The following KCNK2 variants were observed in gnomAD, a reference collection of about 807,000 sequenced individuals.
KCNK2 encodes the protein potassium two pore domain channel subfamily K member 2.
KCNK2 carries 21 observed loss-of-function variants against 40.5 expected under a neutral mutation model. That is an observed-to-expected ratio of 0.52 (90% CI 0.37 to 0.75). The LOEUF is 0.75. Among genes scored for constraint, KCNK2 ranks in the 30% least tolerant of loss-of-function variants. The pLI is 0.00. For missense variants in KCNK2, 399 were observed against 531.6 expected, an observed-to-expected ratio of 0.75 and a Z score of 2.45; for synonymous variants, 191 against 202.2, an observed-to-expected ratio of 0.94 and a Z score of 0.47.
intron 5 of KCNK2, among the ~76,000 whole-genome samples, chr1:215,191,814 T>G (rs1350057556): frequency 6.6e-6 from 1 of 151,996 alleles, no homozygotes; most frequent in African/African-American, 2.4e-5. Flanking sequence ...AGCAGTGGAG[T>G]GAATATTTCT....
chr1:215,065,217 G>A (rs1421447616), intron 1 of KCNK2, among the ~76,000 whole-genome samples: 1 of 152,154 alleles, frequency 6.6e-6, no homozygotes, highest in African/African-American at 2.4e-5. Flanking sequence ...CTAATTTGTA[G>A]AAGCCCTGAG....
At chr1:215,029,163 G>T (rs1657097216) in intron 1 of KCNK2, among the ~76,000 whole-genome samples, 1 of 151,782 alleles carries the variant, frequency 6.6e-6, no homozygotes, top group Non-Finnish European at 1.5e-5. Flanking sequence ...ATTTAATTTA[G>T]GGTTCACTTT....
intron 1 of KCNK2, among the ~76,000 whole-genome samples, chr1:215,069,164 G>A (rs996215208): frequency 7.9e-5 from 12 of 152,144 alleles, no homozygotes; most frequent in South Asian, 2.1e-4. Context: ...GGATAGATGC[G>A]TAGACACCCA....
chr1:215,150,688 G>A (rs12138417), intron 3 of KCNK2, among the ~76,000 whole-genome samples: 14,238 of 151,692 alleles, frequency 0.094, 720 homozygotes, highest in Middle Eastern at 0.16. Flanking sequence ...TAATGATGTT[G>A]TTTTCCATAT....
intron 2 of KCNK2, among the ~76,000 whole-genome samples, chr1:215,122,659 T>C (rs1558101163): frequency 1.3e-5 from 2 of 152,034 alleles, no homozygotes; most frequent in Non-Finnish European, 2.9e-5. Context: ...TTGTAAATTG[T>C]TGGGGGGCAG....
intron 1 of KCNK2, among the ~76,000 whole-genome samples, chr1:215,073,843 A>T (rs983832315): frequency 6.6e-6 from 1 of 152,168 alleles, no homozygotes; most frequent in African/African-American, 2.4e-5. Flanking sequence ...ACTTAATATT[A>T]TGATTCCTGT....
chr1:215,149,446 T>C (rs1662587521), intron 3 of KCNK2, among the ~76,000 whole-genome samples: 1 of 152,174 alleles, frequency 6.6e-6, no homozygotes, highest in Non-Finnish European at 1.5e-5. Context: ...ATAGGGATGC[T>C]GGAGAAGAGA....
chr1:215,033,796 T>C (rs1657288530), intron 1 of KCNK2, among the ~76,000 whole-genome samples: 1 of 152,316 alleles, frequency 6.6e-6, no homozygotes, highest in African/African-American at 2.4e-5. Context: ...AGATCTTCCC[T>C]AGTAAGAATA....
intron 3 of KCNK2, among the ~76,000 whole-genome samples, chr1:215,162,383 T>A (rs536794304): frequency 4.1e-4 from 62 of 152,338 alleles, no homozygotes; most frequent in Non-Finnish European, 6.9e-4. Flanking sequence ...CTGTTCACTC[T>A]GATGGTAGTT....
At chr1:215,013,472 G>T (rs1389437251) in intron 1 of KCNK2, among the ~76,000 whole-genome samples, 1 of 152,060 alleles carries the variant, frequency 6.6e-6, no homozygotes. Flanking sequence ...TTTATGTCGG[G>T]ATTTTAATTG....
rs1404722388 is a variant in KCNK2, at chr1:215,007,173, GTATGTGTGTGGGTA to G, written c.34+1222_34+1235del. Among the ~76,000 whole-genome samples the G allele has an allele frequency of 6.3e-3, 482 of 76,818 alleles. 23 individuals are homozygous for G. The highest frequency in any genetic ancestry group is 0.024 in the African/African-American group (456 of 19,020). 50.4% of individuals were successfully genotyped at this position (76,818 alleles called of 152,430 possible). A position where few individuals can be genotyped will look rare whatever the true frequency, so the allele number is the denominator to read the frequency against. ...TATATATATGTATGTATATATATAT[GTATGTGTGTGGGTA>G]TATATATATATATATATATATATAT... On this transcript the variant is annotated intron_variant, in intron 1 of 6. Coordinates refer to the KCNK2 transcript ENST00000391895.
At chr1:215,115,982 A>G (rs1164740560) in intron 2 of KCNK2, among the ~76,000 whole-genome samples, 10 of 142,384 alleles carry the variant, frequency 7.0e-5, no homozygotes, top group East Asian at 6.1e-4. Context: ...TCTATACACC[A>G]CTGTGCTCAT....
At chr1:215,230,028 T>G (rs1308302539) in intron 6 of KCNK2, among the ~76,000 whole-genome samples, 1 of 148,030 alleles carries the variant, frequency 6.8e-6, no homozygotes, top group Non-Finnish European at 1.5e-5. Flanking sequence ...TATATATATA[T>G]ATACATATAT....
chr1:215,209,191 A>AAT (rs1226992239), intron 6 of KCNK2, among the ~76,000 whole-genome samples: 11 of 138,026 alleles, frequency 8.0e-5, no homozygotes, highest in African/African-American at 1.3e-4. Context: ...TCTAGTTATA[A>AAT]ATATATATAT....
chr1:215,055,857 C>T (rs1225792823), intron 1 of KCNK2, among the ~76,000 whole-genome samples: 3 of 152,168 alleles, frequency 2.0e-5, no homozygotes, highest in African/African-American at 4.8e-5. Context: ...TGGCATTGTC[C>T]TTGATGGATT....
At chr1:215,023,358 C>G (rs780140419) in intron 1 of KCNK2, among the ~76,000 whole-genome samples, 13 of 152,166 alleles carry the variant, frequency 8.5e-5, no homozygotes, top group Non-Finnish European at 1.8e-4. Flanking sequence ...GCCATATAAT[C>G]CAGCTGTGCA....
intron 6 of KCNK2, among the ~76,000 whole-genome samples, chr1:215,206,169 C>CAT (rs901910973): frequency 1.3e-5 from 2 of 152,086 alleles, no homozygotes; most frequent in African/African-American, 4.8e-5. Context: ...TCTATATACT[C>CAT]ATATAAGATT....
intron 3 of KCNK2, among the ~76,000 whole-genome samples, chr1:215,148,384 T>G (rs949970586): frequency 1.3e-5 from 2 of 151,966 alleles, no homozygotes; most frequent in African/African-American, 4.8e-5. Flanking sequence ...CATTAATTAT[T>G]TTTAAGGGTG....
chr1:215,126,567 T>C (rs1249784426), intron 3 of KCNK2, among the ~76,000 whole-genome samples: 1 of 152,224 alleles, frequency 6.6e-6, no homozygotes, highest in African/African-American at 2.4e-5. Flanking sequence ...TAACTCATCA[T>C]GACCACCACT....
Sources: allele counts gnomAD v4.1 joint callset (sites outside exome capture counted in the v4.1 genomes callset), GRCh38; gene constraint gnomAD v4.1.1; transcripts MANE v1.5; gene names NCBI Gene and HGNC (gene_info 2026-07-23, HGNC 2026-07-21).